The following SLCO6A1 variants were observed in gnomAD, a reference collection of about 807,000 sequenced individuals.
SLCO6A1 encodes the protein cancer/testis antigen 48.
Under a neutral mutation model 72.7 loss-of-function variants are expected in SLCO6A1, and 65 were observed. The ratio of observed to expected loss-of-function variants is 0.89; its 90% CI spans 0.73 to 1.10. The LOEUF (loss-of-function observed/expected upper bound fraction) is 1.10. SLCO6A1 is among the 50% of genes least tolerant of loss of function. SLCO6A1 has a pLI of 0.00. For synonymous variants in SLCO6A1, 314 were observed against 298.2 expected (o/e 1.05, Z -0.55); for missense variants, 874 against 872.6 (o/e 1.00, Z -0.02).
intron 9 of SLCO6A1, among the ~76,000 whole-genome samples, chr5:102,400,656 C>T (rs1255420069): frequency 6.6e-6 from 1 of 151,854 alleles, no homozygotes; most frequent in East Asian, 1.9e-4. Flanking sequence ...AAGAACAATA[C>T]AATAAATTTA....
chr5:102,480,517 A>C, intron 1 of SLCO6A1, 83 bp from the exon 2 acceptor site: 1 of 1,288,006 alleles, frequency 7.8e-7, no homozygotes, highest in Non-Finnish European at 1.1e-6. Context: ...AATTTAAATT[A>C]CATGATGTAA....
chr5:102,476,697 C>A (rs1751916711), intron 3 of SLCO6A1, among the ~76,000 whole-genome samples: 1 of 151,842 alleles, frequency 6.6e-6, no homozygotes. Flanking sequence ...ATGTAAAATA[C>A]ATGAAATATA....
chr5:102,485,281 TAAATAAATAAATA>T (rs1253087081), intron 1 of SLCO6A1, among the ~76,000 whole-genome samples: 246 of 125,080 alleles, frequency 2.0e-3, no homozygotes, highest in African/African-American at 7.0e-3. Context: ...AATAAATAAA[TAAATAAATAAATA>T]AAATAAAATA....
intron 10 of SLCO6A1, 52 bp downstream of exon 10, chr5:102,399,503 T>G: frequency 8.8e-7 from 1 of 1,142,152 alleles, no homozygotes; most frequent in South Asian, 4.0e-5. Context: ...CTTTCCAAAA[T>G]TACTTTTCTT....
In SLCO6A1 at chr5:102,470,118, C is replaced by CT. The variant is rs575441994; in HGVS notation, c.899+5578dup. 1.5e-4 allele frequency among the ~76,000 whole-genome samples: 23 copies of CT among 152,110 alleles called. No homozygotes were observed. In the South Asian group the frequency reaches 4.6e-3, roughly 30 times the overall value. ...ATCAGGGATATTGGCCTAAAATTCT[C>CT]TTTTTTGTGTGTGTGTCTCTGCCAG... On this transcript the variant is annotated intron_variant, in intron 4 of 13. Transcript: ENST00000506729.
chr5:102,476,193 C>T (rs1751891924), intron 3 of SLCO6A1, among the ~76,000 whole-genome samples: 1 of 151,668 alleles, frequency 6.6e-6, no homozygotes, highest in African/African-American at 2.4e-5. Context: ...CCTGTTCCCC[C>T]CAACACTACT....
chr5:102,389,445 G>GA (rs1746608765), intron 11 of SLCO6A1, among the ~76,000 whole-genome samples: 1 of 35,166 alleles, frequency 2.8e-5, no homozygotes, highest in African/African-American at 1.1e-4. Flanking sequence ...CACACACCCC[G>GA]CCCCCCACCC....
chr5:102,391,559 T>C (rs1746761137), intron 10 of SLCO6A1, among the ~76,000 whole-genome samples: 1 of 152,074 alleles, frequency 6.6e-6, no homozygotes, highest in Non-Finnish European at 1.5e-5. Context: ...TATTCAAAGG[T>C]TCCCTCCCAG....
At chr5:102,435,524 T>A (rs765743215) in intron 7 of SLCO6A1, among the ~76,000 whole-genome samples, 6 of 152,100 alleles carry the variant, frequency 3.9e-5, no homozygotes, top group African/African-American at 1.4e-4. Flanking sequence ...GTATATAAGG[T>A]AGCAGGGGTA....
intron 7 of SLCO6A1, among the ~76,000 whole-genome samples, chr5:102,425,661 G>T (rs1748852332): frequency 6.6e-6 from 1 of 152,150 alleles, no homozygotes; most frequent in Admixed American, 6.6e-5. Flanking sequence ...CTCATGGATA[G>T]GAAGAATCAA....
rs34076015 is a variant in SLCO6A1, at chr5:102,453,337, CAA to C, written c.1131+5043_1131+5044del. Among the ~76,000 whole-genome samples, 400 of 136,368 alleles carry C rather than the reference CAA, an allele frequency of 2.9e-3. 1 individual carries two copies. Among genetic ancestry groups the C allele is most frequent in the African/African-American group, 0.01 (367 of 36,560 alleles). The allele number at this position is 136,368 out of a possible 152,430, so 89.5% of individuals were successfully genotyped here. On this transcript the variant is annotated intron_variant, in intron 6 of 13. Transcript: ENST00000506729. ...TGGGTGACAGAGTGAGACCCTGCCT[CAA>C]AAAAAAAAAAAAAAGAAAGAAAGAA...
chr5:102,445,257 C>A (rs1001236478), intron 6 of SLCO6A1, among the ~76,000 whole-genome samples: 7 of 152,120 alleles, frequency 4.6e-5, no homozygotes, highest in African/African-American at 1.7e-4. Context: ...TTTAAAATAG[C>A]CATTTTTGCT....
At chr5:102,479,422 A>G (rs555845488) in intron 2 of SLCO6A1, among the ~76,000 whole-genome samples, 1 of 152,296 alleles carries the variant, frequency 6.6e-6, no homozygotes, top group East Asian at 1.9e-4. Flanking sequence ...AGACAAATAC[A>G]GCTAGTCATT....
In SLCO6A1 at chr5:102,480,249, C is replaced by G; in HGVS notation, c.544G>C (p.Gly182Arg). The change falls in exon 2 of 14, where the codon GGA becomes CGA. Residue 182 changes from glycine to arginine, a missense_variant. Coordinates refer to ENST00000506729, the MANE Select transcript of SLCO6A1 (RefSeq NM_173488.5). Reference sequence around the variant, plus strand: ...AAAGCACATAAAAGTGATCCAAGTCCTATTAAAAAGGAGGAAGCTACAAAC... The same window carrying G: ...AAAGCACATAAAAGTGATCCAAGTCGTATTAAAAAGGAGGAAGCTACAAAC... Reference protein sequence around the residue: ...IWFVASSFLIGLGSLLCAFPS... With the variant: ...IWFVASSFLIRLGSLLCAFPS... The G allele has an allele frequency of 1.9e-6, 3 of 1,612,984 alleles. No homozygotes were observed. Among genetic ancestry groups the G allele is most frequent in the Non-Finnish European group, 1.7e-6 (2 of 1,179,370 alleles).
chr5:102,385,590 T>C (rs900469526), intron 12 of SLCO6A1, among the ~76,000 whole-genome samples: 2 of 152,170 alleles, frequency 1.3e-5, no homozygotes, highest in Admixed American at 1.3e-4. Context: ...TACTCTGCAG[T>C]TGAAGTTCTC....
At chr5:102,446,466 T>C (rs1267344711) in intron 6 of SLCO6A1, among the ~76,000 whole-genome samples, 2 of 152,194 alleles carry the variant, frequency 1.3e-5, no homozygotes, top group African/African-American at 4.8e-5. Flanking sequence ...TGGGAGCCAC[T>C]GGGAAGATAC....
At chr5:102,462,960 G>T (rs937592414) in intron 4 of SLCO6A1, among the ~76,000 whole-genome samples, 1 of 152,116 alleles carries the variant, frequency 6.6e-6, no homozygotes, top group Non-Finnish European at 1.5e-5. Flanking sequence ...CACAGCAAAA[G>T]AAATAATCAG....
rs551851999 is a variant in SLCO6A1, at chr5:102,491,528, C to T, written c.358+6959G>A. On this transcript the variant is annotated intron_variant, in intron 1 of 13. Coordinates refer to ENST00000506729, the MANE Select transcript of SLCO6A1 (RefSeq NM_173488.5). ...CATGGCAGGCTGCAGGTCCCGAGCG[C>T]TGCCCCACAGGGAGGCAGCTAAGGC... is the stretch of plus-strand genomic sequence containing the variant. Among the ~76,000 whole-genome samples the T allele has an allele frequency of 3.1e-3, 468 of 152,348 alleles. 3 individuals are homozygous for T. The highest frequency in any genetic ancestry group is 0.011 in the African/African-American group (453 of 41,588).
At chr5:102,411,889 T>C (rs1219471087) in intron 9 of SLCO6A1, among the ~76,000 whole-genome samples, 1 of 152,214 alleles carries the variant, frequency 6.6e-6, no homozygotes, top group Non-Finnish European at 1.5e-5. Context: ...GTAACATTTC[T>C]TTCAGGTCTT....
Sources: gnomAD v4.1 joint callset for allele counts (sites outside exome capture counted in the v4.1 genomes callset) on GRCh38, gnomAD v4.1.1 for gene constraint, MANE v1.5 for transcripts, NCBI Gene and HGNC (gene_info 2026-07-23, HGNC 2026-07-21) for gene names.